The following ADAM18 variants were observed in gnomAD, a reference collection of about 807,000 sequenced individuals.
ADAM18 encodes the protein ADAM metallopeptidase domain 18.
Under a neutral mutation model 94.4 loss-of-function variants are expected in ADAM18, and 117 were observed. That is an observed-to-expected ratio of 1.24 (90% CI 1.07 to 1.45). The LOEUF (loss-of-function observed/expected upper bound fraction) is 1.45. Ranked by LOEUF, ADAM18 falls within the 40% of genes most tolerant of loss-of-function variation. The pLI is 0.00. For missense variants in ADAM18, 936 were observed against 880.0 expected (o/e 1.06, Z -0.81); for synonymous variants, 327 against 291.6 (o/e 1.12, Z -1.24).
intron 2 of ADAM18, among the ~76,000 whole-genome samples, chr8:39,597,481 AT>A (rs952228944): frequency 5.9e-5 from 9 of 151,976 alleles, no homozygotes; most frequent in African/African-American, 2.2e-4. Context: ...AGATTTATTT[AT>A]TTTTTTACGT....
chr8:39,629,332 A>G lies in ADAM18; in HGVS notation c.523-42A>G, dbSNP rs61553859. 595 of 1,427,146 alleles carry G rather than the reference A, an allele frequency of 4.2e-4. 2 individuals carry two copies. The African/African-American group carries it at 6.7e-3, about 16-fold the overall frequency. The allele number at this position is 1,427,146 out of a possible 1,614,324, so 88.4% of individuals were successfully genotyped here. ...GTCATCTTTTTCTCTTAAATTCAAT[A>G]CATGTTAACATTTTATAAATCCCGT... On this transcript the variant is annotated intron_variant, in intron 6 of 19. Coordinates refer to ENST00000265707, the MANE Select transcript of ADAM18 (RefSeq NM_014237.3).
chr8:39,620,368 A>G (rs935783016), intron 6 of ADAM18, among the ~76,000 whole-genome samples: 10 of 94,708 alleles, frequency 1.1e-4, no homozygotes, highest in East Asian at 8.4e-4. Flanking sequence ...AAAAAAAAAA[A>G]AAAAAACAAA....
In ADAM18 at chr8:39,706,861, T is replaced by G; in HGVS notation, c.1974T>G (p.Gly658=). 6.2e-7 allele frequency: 1 copy of G among 1,610,898 alleles called. No homozygotes were observed. Among genetic ancestry groups the G allele is most frequent in the Non-Finnish European group, 8.5e-7 (1 of 1,177,814 alleles). ...CTCCAGATTGTAAATTCCAGTTTGGTTCCCCAGGGGGTAGTATTGATGATG... is the reference window on the plus strand; with the variant it reads ...CTCCAGATTGTAAATTCCAGTTTGGGTCCCCAGGGGGTAGTATTGATGATG... ...HRPPDCKFQF[G]SPGGSIDDGN... is the part of the protein sequence containing the mutation. The change falls in exon 18 of 20, where the codon GGT becomes GGG. Residue 658 remains glycine, a synonymous_variant. Coordinates refer to ENST00000265707, the MANE Select transcript of ADAM18 (RefSeq NM_014237.3).
At chr8:39,609,003 T>G in intron 3 of ADAM18, 39 bp from the exon 4 acceptor site, 1 of 1,171,544 alleles carries the variant, frequency 8.5e-7, no homozygotes. Flanking sequence ...TATATTAAGA[T>G]TATGATTCAT....
At chr8:39,687,832 A>G (rs1016937763) in intron 16 of ADAM18, among the ~76,000 whole-genome samples, 1 of 152,138 alleles carries the variant, frequency 6.6e-6, no homozygotes, top group Non-Finnish European at 1.5e-5. Context: ...ATAGTATTCC[A>G]TGGTGTGTGC....
At chr8:39,649,397 T>C (rs1368877995) in intron 12 of ADAM18, among the ~76,000 whole-genome samples, 1 of 152,170 alleles carries the variant, frequency 6.6e-6, no homozygotes, top group East Asian at 1.9e-4. Flanking sequence ...TATATATATG[T>C]TTCCAATTAT....
intron 10 of ADAM18, 147 bp from the exon 11 acceptor site, chr8:39,645,191 A>G: frequency 1.5e-6 from 1 of 675,108 alleles, no homozygotes; most frequent in Non-Finnish European, 2.4e-6. Context: ...ACGGCAGATA[A>G]ATAAATGGCA....
intron 2 of ADAM18, among the ~76,000 whole-genome samples, chr8:39,586,536 G>A (rs527816831): frequency 1.3e-5 from 2 of 152,152 alleles, no homozygotes; most frequent in Admixed American, 6.6e-5. Flanking sequence ...GTTTGAGGCT[G>A]GCTTGGGCAA....
intron 2 of ADAM18, among the ~76,000 whole-genome samples, chr8:39,604,280 C>T (rs1487332722): frequency 1.3e-5 from 2 of 152,224 alleles, no homozygotes; most frequent in East Asian, 1.9e-4. Flanking sequence ...ATTTGATAAG[C>T]CCTCATTACG....
At chr8:39,646,690 A>T (rs942707731) in intron 11 of ADAM18, among the ~76,000 whole-genome samples, 1 of 152,168 alleles carries the variant, frequency 6.6e-6, no homozygotes, top group African/African-American at 2.4e-5. Flanking sequence ...TATATTTGAA[A>T]TGTGTGTTGT....
In ADAM18 at chr8:39,653,730, G is replaced by A. The variant is rs143128416; in HGVS notation, c.1230+5203G>A. Among the ~76,000 whole-genome samples, 36 of 152,256 alleles carry A rather than the reference G, an allele frequency of 2.4e-4. No homozygotes were observed. In the East Asian group the frequency reaches 6.6e-3, roughly 28 times the overall value. On this transcript the variant is annotated intron_variant, in intron 12 of 19. Coordinates refer to ENST00000265707, the MANE Select transcript of ADAM18 (RefSeq NM_014237.3). ...TGTTTTTAATTGATATATCATAGTT[G>A]TACATATTTTGGGGGTACATGTTAT...
At chr8:39,696,844 C>T (rs1821939871) in intron 17 of ADAM18, among the ~76,000 whole-genome samples, 1 of 151,450 alleles carries the variant, frequency 6.6e-6, no homozygotes, top group Admixed American at 6.6e-5. Flanking sequence ...TTAAGGCTAC[C>T]TGAAGTGCCT....
intron 10 of ADAM18, among the ~76,000 whole-genome samples, chr8:39,641,452 AC>A (rs1820232891): frequency 6.6e-6 from 1 of 151,856 alleles, no homozygotes; most frequent in Admixed American, 6.6e-5. Context: ...TAAGCCTAGT[AC>A]CCATTAGTTA....
chr8:39,696,194 A>G (rs1821923146), intron 17 of ADAM18, among the ~76,000 whole-genome samples: 1 of 151,378 alleles, frequency 6.6e-6, no homozygotes, highest in Non-Finnish European at 1.5e-5. Context: ...ATACCTTTAG[A>G]TGATTTTCTA....
intron 16 of ADAM18, among the ~76,000 whole-genome samples, chr8:39,689,537 T>G (rs1195275356): frequency 6.6e-6 from 1 of 152,242 alleles, no homozygotes; most frequent in South Asian, 2.1e-4. Flanking sequence ...TTCTCTGTTC[T>G]GTTCCTTTGG....
intron 18 of ADAM18, among the ~76,000 whole-genome samples, chr8:39,715,467 T>A (rs1255200823): frequency 1.6e-5 from 2 of 125,154 alleles, no homozygotes; most frequent in African/African-American, 6.6e-5. Flanking sequence ...TAAAAATTGA[T>A]AAAATAGAAA....
At chr8:39,638,322 T>C (rs1234944179) in intron 9 of ADAM18, 143 bp from the exon 10 acceptor site, 2 of 455,046 alleles carry the variant, frequency 4.4e-6, no homozygotes, top group Non-Finnish European at 4.0e-6. Context: ...TATTTTGTAA[T>C]GTTTATTAGA....
At chr8:39,702,726 T>C (rs1416231747) in intron 17 of ADAM18, among the ~76,000 whole-genome samples, 2 of 152,210 alleles carry the variant, frequency 1.3e-5, no homozygotes, top group African/African-American at 4.8e-5. Context: ...CTCAGCACCA[T>C]TTGTTGAATA....
At chr8:39,616,332 C>A (rs968984546) in intron 6 of ADAM18, among the ~76,000 whole-genome samples, 1 of 152,128 alleles carries the variant, frequency 6.6e-6, no homozygotes, top group Non-Finnish European at 1.5e-5. Context: ...ATCACTTGAA[C>A]CCAGGAAGCT....
Sources: allele counts gnomAD v4.1 joint callset (sites outside exome capture counted in the v4.1 genomes callset), GRCh38; gene constraint gnomAD v4.1.1; transcripts MANE v1.5; gene names NCBI Gene and HGNC (gene_info 2026-07-23, HGNC 2026-07-21).